The following RPS6KA2 variants were observed in gnomAD, a reference collection of about 807,000 sequenced individuals.
RPS6KA2 encodes ribosomal protein S6 kinase A2, also known as ribosomal protein S6 kinase alpha-2.
A neutral mutation model predicts 91.8 loss-of-function variants in RPS6KA2; 42 were observed. The ratio of observed to expected loss-of-function variants is 0.46; its 90% CI spans 0.36 to 0.59. The LOEUF is 0.59. RPS6KA2 is among the 20% of genes least tolerant of loss of function. The pLI, the probability that RPS6KA2 is intolerant of heterozygous loss-of-function variation, is 0.00. For synonymous variants in RPS6KA2, 414 were observed against 393.6 expected, an observed-to-expected ratio of 1.05 and a Z score of -0.61; for missense variants, 798 against 978.5, an observed-to-expected ratio of 0.82 and a Z score of 2.46.
At chr6:166,449,256 A>G (rs1434962246) in intron 13 of RPS6KA2, among the ~76,000 whole-genome samples, 1 of 152,130 alleles carries the variant, frequency 6.6e-6, no homozygotes, top group Non-Finnish European at 1.5e-5. Context: ...CATGGTGTCC[A>G]AGTCACAGCC....
rs139735349 is a variant in RPS6KA2, at chr6:166,656,704, C to G, written c.124-117920G>C. ...ACAGGCAACAGAAGCAAGTGCAGCACTGCGCGGTTCACCTGCTGTGGGAAC... is the reference window on the plus strand; with the variant it reads ...ACAGGCAACAGAAGCAAGTGCAGCAGTGCGCGGTTCACCTGCTGTGGGAAC... On this transcript the variant is annotated intron_variant, in intron 2 of 21. Transcript: ENST00000503859. Among the ~76,000 whole-genome samples, 12 of 152,358 alleles carry G rather than the reference C, an allele frequency of 7.9e-5. No individual in the cohort carries two copies. The East Asian group carries it at 2.3e-3, about 29-fold the overall frequency.
chr6:166,613,261 C>A (rs765628748), intron 1 of RPS6KA2, among the ~76,000 whole-genome samples: 5 of 152,200 alleles, frequency 3.3e-5, no homozygotes, highest in Non-Finnish European at 5.9e-5. Flanking sequence ...CTCAGCCTGT[C>A]GCCACCATTC....
chr6:166,570,545 A>G (rs893944301), intron 1 of RPS6KA2, among the ~76,000 whole-genome samples: 3 of 152,254 alleles, frequency 2.0e-5, no homozygotes, highest in African/African-American at 7.2e-5. Flanking sequence ...TAAGCACAGA[A>G]ATAGAAATAA....
intron 12 of RPS6KA2, among the ~76,000 whole-genome samples, chr6:166,458,494 T>A (rs560116646): frequency 1.3e-5 from 2 of 152,340 alleles, no homozygotes; most frequent in African/African-American, 4.8e-5. Context: ...CTCAGGTATG[T>A]CTTTATCAGC....
chr6:166,741,152 T>C (rs1036441499), intron 2 of RPS6KA2, among the ~76,000 whole-genome samples: 3 of 152,228 alleles, frequency 2.0e-5, no homozygotes, highest in East Asian at 1.9e-4. Context: ...TATAATTCCA[T>C]TGATGAGACT....
chr6:166,451,309 C>T (rs1779908801), intron 12 of RPS6KA2, 76 bp from the exon 13 acceptor site: 5 of 1,502,788 alleles, frequency 3.3e-6, no homozygotes, highest in Non-Finnish European at 4.6e-6. Context: ...TGTGTGTGTG[C>T]ATGTGGTATG....
At chr6:166,462,324 C>T (rs1270492121) in intron 11 of RPS6KA2, among the ~76,000 whole-genome samples, 4 of 152,208 alleles carry the variant, frequency 2.6e-5, no homozygotes, top group African/African-American at 2.4e-5. Context: ...TCTCCCTCCT[C>T]GTCCACCGAT....
At chr6:166,819,636 T>A (rs562996074) in intron 2 of RPS6KA2, among the ~76,000 whole-genome samples, 1 of 152,360 alleles carries the variant, frequency 6.6e-6, no homozygotes, top group South Asian at 2.1e-4. Flanking sequence ...TATAGTCTTT[T>A]GGTAAAAATC....
In RPS6KA2 at chr6:166,732,125, G is replaced by A. The variant is rs1790544249; in HGVS notation, c.123+126075C>T. ...TTAATTCCTTTTTCTTTTCCTTTTT[G>A]TTTTACCAATAAATAAATAAATAAC... On this transcript the variant is annotated intron_variant, in intron 2 of 21. Transcript: ENST00000503859. The surrounding 1 kb of genome is among the most constrained non-coding windows in gnomAD (Gnocchi z 4.0). Among the ~76,000 whole-genome samples the A allele has an allele frequency of 6.7e-6, 1 of 149,846 alleles. No homozygotes were observed. The highest frequency in any genetic ancestry group is 6.7e-5 in the Admixed American group (1 of 14,862).
chr6:166,785,065 T>C (rs1269664348), intron 2 of RPS6KA2, among the ~76,000 whole-genome samples: 1 of 152,268 alleles, frequency 6.6e-6, no homozygotes, highest in African/African-American at 2.4e-5. Context: ...TCTGTATATG[T>C]GTAAATCTTT....
At chr6:166,765,067 C>G (rs941263407) in intron 2 of RPS6KA2, among the ~76,000 whole-genome samples, 1 of 133,122 alleles carries the variant, frequency 7.5e-6, no homozygotes, top group Non-Finnish European at 1.5e-5. Context: ...TCCCTGCCAG[C>G]TCCAGGGCAG....
At chr6:166,636,510 C>T (rs1299301300) in intron 2 of RPS6KA2, among the ~76,000 whole-genome samples, 1 of 152,220 alleles carries the variant, frequency 6.6e-6, no homozygotes, top group Non-Finnish European at 1.5e-5. Flanking sequence ...ATTCTTCTTC[C>T]TTTTCTCCTC....
chr6:166,552,418 A>G (rs1457483581), intron 1 of RPS6KA2, among the ~76,000 whole-genome samples: 3 of 152,230 alleles, frequency 2.0e-5, no homozygotes, highest in African/African-American at 7.2e-5. Flanking sequence ...ACATGATGAC[A>G]GCCAATCCCT....
At chr6:166,764,301 C>T (rs497276) in intron 2 of RPS6KA2, among the ~76,000 whole-genome samples, 3 of 152,052 alleles carry the variant, frequency 2.0e-5, no homozygotes, top group East Asian at 1.9e-4. Flanking sequence ...CACCAGGGGG[C>T]GCGTGAAAAG....
At chr6:166,475,363 C>T (rs996217584) in intron 10 of RPS6KA2, among the ~76,000 whole-genome samples, 10 of 152,210 alleles carry the variant, frequency 6.6e-5, no homozygotes, top group African/African-American at 2.4e-4. Context: ...GCTGCTCTGT[C>T]TCCTCTCCAC....
Position 166,495,322 on chromosome 6 carries a change from C to T in RPS6KA2, c.747+3186G>A, listed in dbSNP as rs1364900327. On this transcript the variant is annotated intron_variant, in intron 8 of 20. Transcript: ENST00000265678. The surrounding 1 kb of genome is among the most constrained non-coding windows in gnomAD (Gnocchi z 4.4). ...CGAGAGTGACACAGCAGTTCTGGAG[C>T]CGGACCCCTTCCCCAGCTGTCACGA... Among the ~76,000 whole-genome samples, 1 of 152,162 alleles carries T rather than the reference C, an allele frequency of 6.6e-6. No homozygotes were observed. Among genetic ancestry groups the T allele is most frequent in the African/African-American group, 2.4e-5 (1 of 41,428 alleles).
At chr6:166,504,856 G>A (rs1405933299) in intron 5 of RPS6KA2, among the ~76,000 whole-genome samples, 2 of 152,180 alleles carry the variant, frequency 1.3e-5, no homozygotes, top group Non-Finnish European at 2.9e-5. Flanking sequence ...GCCGCCTTGA[G>A]AGTGGGGTGC....
At chr6:166,460,419 C>T (rs191691107) in intron 11 of RPS6KA2, among the ~76,000 whole-genome samples, 166 of 152,218 alleles carry the variant, frequency 1.1e-3, no homozygotes, top group African/African-American at 3.4e-3. Context: ...AGTCCTCAGG[C>T]GGGTGATGCT....
chr6:166,651,586 G>A (rs1230162356), intron 2 of RPS6KA2, among the ~76,000 whole-genome samples: 3 of 152,202 alleles, frequency 2.0e-5, no homozygotes, highest in African/African-American at 7.2e-5. Context: ...AAATTTCCTC[G>A]AAGCACTTTA....
Sources: allele counts gnomAD v4.1 joint callset (sites outside exome capture counted in the v4.1 genomes callset), GRCh38; gene constraint gnomAD v4.1.1; non-coding constraint Gnocchi (gnomAD v3.1); transcripts MANE v1.5; gene names NCBI Gene and HGNC (gene_info 2026-07-23, HGNC 2026-07-21).